ZNF100: variants seen among roughly 807,000 people sequenced by gnomAD.
ZNF100 encodes the protein zinc finger protein 100, also known as zinc finger protein 100 (Y1).
In ZNF100, 12 loss-of-function variants were observed where a neutral mutation model predicts 15.8. That is an observed-to-expected ratio of 0.76 (90% CI 0.49 to 1.23). ZNF100 has a LOEUF of 1.23. Ranked by LOEUF, ZNF100 falls within the 50% of genes most tolerant of loss-of-function variation. The pLI is 0.00. For synonymous variants in ZNF100, 226 were observed against 214.8 expected, an observed-to-expected ratio of 1.05 and a Z score of -0.45; for missense variants, 670 against 635.6, an observed-to-expected ratio of 1.05 and a Z score of -0.58.
In ZNF100 at chr19:21,767,524, GAC is replaced by G. The variant is rs1213400034; in HGVS notation, c.-97_-96del. The G allele has an allele frequency of 1.1e-5, 18 of 1,567,940 alleles. No individual in the cohort carries two copies. The East Asian group carries it at 3.4e-4, about 30-fold the overall frequency. ...ACAGGCTAGGCCCCTAGGAGCAGAAGACACAGAGAAGTGAGAGCAAAACCTGG... is the reference window on the plus strand; with the variant it reads ...ACAGGCTAGGCCCCTAGGAGCAGAAGACAGAGAAGTGAGAGCAAAACCTGG... On this transcript the variant is annotated 5_prime_UTR_variant, in exon 1 of 5. Transcript: ENST00000358296.
chr19:21,751,711 T>G (rs2036309410), intron 2 of ZNF100: 2 of 1,220,884 alleles, frequency 1.6e-6, no homozygotes, highest in Non-Finnish European at 2.4e-6. Context: ...CTGCTAGTGT[T>G]TATGCCAAAC....
chr19:21,745,090 C>T, intron 2 of ZNF100, 23 bp from the exon 3 acceptor site: 1 of 1,587,900 alleles, frequency 6.3e-7, no homozygotes, highest in Non-Finnish European at 8.6e-7. Flanking sequence ...AGCACAGAGA[C>T]ACACATATAT....
chr19:21,727,753 G>GA lies in ZNF100; in HGVS notation c.558dup (p.His187SerfsTer10), dbSNP rs772055879. On this transcript the variant is annotated frameshift_variant, in exon 5 of 5. Coordinates refer to ENST00000358296, the MANE Select transcript of ZNF100 (RefSeq NM_173531.4). LOFTEE classifies it low-confidence loss of function (END_TRUNC). The stretch of plus-strand genomic sequence containing the variant: ...TGTCTGTTTGAATTTGAAAATGTAT[G>GA]AAAGACTTTTGCAGATGGATCACAT... 6.8e-6 allele frequency: 11 copies of GA among 1,613,746 alleles called. No individual in the cohort carries two copies. The highest frequency in any genetic ancestry group is 9.3e-6 in the Non-Finnish European group (11 of 1,179,874).
intron 4 of ZNF100, among the ~76,000 whole-genome samples, chr19:21,732,286 C>T (rs1258173128): frequency 6.6e-6 from 1 of 152,148 alleles, no homozygotes; most frequent in Non-Finnish European, 1.5e-5. Flanking sequence ...GTGTTTCTCC[C>T]ACATAGAAGT....
rs1435384325 is a variant in ZNF100 at position 21,727,658 on chromosome 19, T to G, written c.654A>C (p.Leu218Phe). ...KKCEKSFCMLLHLTQHKRFHI... is the reference protein window; with the variant it reads ...KKCEKSFCMLFHLTQHKRFHI... ...GAAATCTTTTATGTTGAGTTAGGTG[T>G]AAAAGCATGCAAAATGATTTTTCAC... The change falls in exon 5 of 5, where the codon TTA (leucine) becomes TTC (phenylalanine). Residue 218 changes from leucine to phenylalanine, a missense_variant. Coordinates refer to ENST00000358296, the MANE Select transcript of ZNF100 (RefSeq NM_173531.4). 2 of 1,613,036 alleles carry G rather than the reference T, an allele frequency of 1.2e-6. No individual in the cohort carries two copies. Among genetic ancestry groups the G allele is most frequent in the Non-Finnish European group, 1.7e-6 (2 of 1,179,620 alleles).
chr19:21,733,697 C>T (rs2035960306), intron 4 of ZNF100, among the ~76,000 whole-genome samples: 1 of 152,278 alleles, frequency 6.6e-6, no homozygotes, highest in South Asian at 2.1e-4. Context: ...CCCCCTTCAC[C>T]AAGAAGCAGC....
At chr19:21,728,757 T>C (rs1026282810) in intron 4 of ZNF100, among the ~76,000 whole-genome samples, 31 of 151,790 alleles carry the variant, frequency 2.0e-4, no homozygotes, top group Admixed American at 7.2e-4. Context: ...AATAAGGCAA[T>C]ATGGTTCCAT....
intron 4 of ZNF100, among the ~76,000 whole-genome samples, chr19:21,742,385 T>A (rs1466939467): frequency 6.8e-6 from 1 of 146,388 alleles, no homozygotes; most frequent in African/African-American, 2.5e-5. Context: ...TCTTTTTTTT[T>A]TTTTTTTTTT....
At position 21,727,801 on chromosome 19, in the gene ZNF100, T is replaced by C. The variant is rs1056267176; in HGVS notation, c.511A>G (p.Thr171Ala). Reference protein sequence around the residue: ...HDNKLNQCLITTQSNIFQCDP... With the variant: ...HDNKLNQCLIATQSNIFQCDP... ...CATTGAAATATGTTGCTCTGGGTAGTTATCAAACACTGGTTTAATTTGTTA... is the reference window on the plus strand; with the variant it reads ...CATTGAAATATGTTGCTCTGGGTAGCTATCAAACACTGGTTTAATTTGTTA... Residue 171 changes from threonine to alanine, a missense_variant, in exon 5 of 5, where the codon ACT becomes GCT. Coordinates refer to ENST00000358296, the MANE Select transcript of ZNF100 (RefSeq NM_173531.4). 2 of 1,613,306 alleles carry C rather than the reference T, an allele frequency of 1.2e-6. No homozygotes were observed. The highest frequency in any genetic ancestry group is 2.7e-5 in the African/African-American group (2 of 74,894).
Position 21,724,974 on chromosome 19 carries a change from C to T in ZNF100, c.*1709G>A, listed in dbSNP as rs2035750356. The T allele has an allele frequency of 6.6e-6, 1 of 152,216 alleles. No individual in the cohort carries two copies. Among genetic ancestry groups the T allele is most frequent in the African/African-American group, 2.4e-5 (1 of 41,516 alleles). 9.4% of individuals were successfully genotyped at this position (152,216 alleles called of 1,614,324 possible). On this transcript the variant is annotated 3_prime_UTR_variant, in exon 5 of 5. Transcript: ENST00000358296. ...GCTGAGGCAGGAGAATTGCGTGAAC[C>T]CAGGAGGTGGAGGTTACAGTGAGCC... is the stretch of plus-strand genomic sequence containing the variant.
intron 2 of ZNF100, among the ~76,000 whole-genome samples, chr19:21,759,569 A>G (rs2036446934): frequency 6.6e-6 from 1 of 152,210 alleles, no homozygotes; most frequent in East Asian, 1.9e-4. Context: ...TCTAAGTCAC[A>G]AGATGAGACT....
intron 2 of ZNF100, 104 bp from the exon 3 acceptor site, chr19:21,745,171 CTGAT>C: frequency 6.7e-7 from 1 of 1,487,926 alleles, no homozygotes; most frequent in Non-Finnish European, 8.9e-7. Context: ...AGAATTGGTT[CTGAT>C]TAATAGAAAT....
chr19:21,750,386 A>G (rs1351003793), intron 2 of ZNF100: 1 of 152,178 alleles, frequency 6.6e-6, no homozygotes, highest in African/African-American at 2.4e-5. Context: ...CTGGGAAGAG[A>G]CACAATAAAA....
intron 2 of ZNF100, among the ~76,000 whole-genome samples, chr19:21,764,766 T>A (rs534988846): frequency 6.6e-6 from 1 of 151,902 alleles, no homozygotes; most frequent in Non-Finnish European, 1.5e-5. Flanking sequence ...CAGTACCGAG[T>A]TTCATCTCAT....
intron 2 of ZNF100, among the ~76,000 whole-genome samples, chr19:21,762,852 G>A (rs2036503439): frequency 6.6e-6 from 1 of 152,144 alleles, no homozygotes; most frequent in Non-Finnish European, 1.5e-5. Context: ...GGATGAGACA[G>A]GAGATCAGCA....
intron 2 of ZNF100, chr19:21,750,895 G>A: frequency 1.7e-6 from 1 of 585,022 alleles, no homozygotes; most frequent in Non-Finnish European, 3.0e-6. Flanking sequence ...CCAGCCTCAA[G>A]CTGGGCCGGT....
chr19:21,764,163 TTAAA>T (rs1485743582), intron 2 of ZNF100, among the ~76,000 whole-genome samples: 1 of 152,198 alleles, frequency 6.6e-6, no homozygotes, highest in Admixed American at 6.6e-5. Context: ...AAGGCCGTTA[TTAAA>T]TTTCTTCTGC....
chr19:21,761,950 C>G (rs2036490194), intron 2 of ZNF100, among the ~76,000 whole-genome samples: 1 of 152,176 alleles, frequency 6.6e-6, no homozygotes, highest in Admixed American at 6.5e-5. Flanking sequence ...ACTAGTAGGC[C>G]AAGCACAGTG....
At chr19:21,739,870 A>C (rs1170810346) in intron 4 of ZNF100, among the ~76,000 whole-genome samples, 1 of 152,190 alleles carries the variant, frequency 6.6e-6, no homozygotes, top group Admixed American at 6.5e-5. Context: ...TCTTCAACAT[A>C]TTCCTGCTCG....
Sources: gnomAD v4.1 joint callset for allele counts (sites outside exome capture counted in the v4.1 genomes callset) on GRCh38, gnomAD v4.1.1 for gene constraint, MANE v1.5 for transcripts, NCBI Gene and HGNC (gene_info 2026-07-23, HGNC 2026-07-21) for gene names.